The following MAPKAP1 variants were observed in gnomAD, a reference collection of about 807,000 sequenced individuals.
The protein encoded by MAPKAP1 is target of rapamycin complex 2 subunit MAPKAP1.
In MAPKAP1, 20 loss-of-function variants were observed where a neutral mutation model predicts 65.7. That is an observed-to-expected ratio of 0.30 (90% CI 0.21 to 0.44). The LOEUF is 0.44. Among genes scored for constraint, MAPKAP1 ranks in the 20% least tolerant of loss-of-function variants. MAPKAP1 has a pLI of 1.00. For synonymous variants in MAPKAP1, 222 were observed against 244.3 expected (o/e 0.91, Z 0.85); for missense variants, 423 against 648.0 (o/e 0.65, Z 3.77).
chr9:125,457,531 A>G (rs1008629430), intron 10 of MAPKAP1, among the ~76,000 whole-genome samples: 3 of 152,206 alleles, frequency 2.0e-5, no homozygotes, highest in Non-Finnish European at 2.9e-5. Flanking sequence ...TTGCATGTCT[A>G]GTAATTTTTA....
At chr9:125,536,487 C>T (rs117924957) in intron 7 of MAPKAP1, among the ~76,000 whole-genome samples, 425 of 152,300 alleles carry the variant, frequency 2.8e-3, no homozygotes, top group Non-Finnish European at 4.7e-3. Flanking sequence ...GCATGAGTGG[C>T]ATCAGCATGA....
intron 10 of MAPKAP1, among the ~76,000 whole-genome samples, chr9:125,464,400 TCAAAATAG>T (rs1187907050): frequency 3.3e-5 from 5 of 152,114 alleles, no homozygotes; most frequent in Non-Finnish European, 7.4e-5. Context: ...ATGACGTCTT[TCAAAATAG>T]CAAAATCTGA....
At chr9:125,645,734 C>A in intron 4 of MAPKAP1, among the ~76,000 whole-genome samples, 1 of 127,824 alleles carries the variant, frequency 7.8e-6, no homozygotes, top group Non-Finnish European at 1.6e-5. Context: ...AAGACTCTGT[C>A]TCAAAAAAAA....
At chr9:125,473,838 G>A (rs1366311418) in intron 9 of MAPKAP1, among the ~76,000 whole-genome samples, 2 of 152,200 alleles carry the variant, frequency 1.3e-5, no homozygotes, top group Non-Finnish European at 2.9e-5. Flanking sequence ...TCTGGAGTCA[G>A]AAAGTCCTCT....
chr9:125,517,120 T>C (rs184248008), intron 7 of MAPKAP1, among the ~76,000 whole-genome samples: 1 of 152,306 alleles, frequency 6.6e-6, no homozygotes, highest in Non-Finnish European at 1.5e-5. Flanking sequence ...TGCAAGTTTT[T>C]CCAATTCCAA....
intron 6 of MAPKAP1, among the ~76,000 whole-genome samples, chr9:125,555,557 G>T (rs1352389116): frequency 6.6e-6 from 1 of 152,196 alleles, no homozygotes; most frequent in Non-Finnish European, 1.5e-5. Context: ...GGCAGGAACG[G>T]GTGTAAAAAA....
At chr9:125,599,118 G>T (rs1832227266) in intron 4 of MAPKAP1, among the ~76,000 whole-genome samples, 1 of 150,908 alleles carries the variant, frequency 6.6e-6, no homozygotes, top group Non-Finnish European at 1.5e-5. Context: ...TGGTTATTAT[G>T]ATGTTTTTTC....
chr9:125,664,852 G>C (rs908427395), intron 3 of MAPKAP1, among the ~76,000 whole-genome samples: 1 of 151,950 alleles, frequency 6.6e-6, no homozygotes, highest in African/African-American at 2.4e-5. Flanking sequence ...AGAGTAGAAA[G>C]ACTATAAAGT....
chr9:125,459,564 G>A (rs1788594113), intron 10 of MAPKAP1, among the ~76,000 whole-genome samples: 1 of 152,198 alleles, frequency 6.6e-6, no homozygotes, highest in African/African-American at 2.4e-5. Context: ...TGCAATCCCG[G>A]CACCTCAGGA....
chr9:125,628,035 G>C (rs1358852793), intron 4 of MAPKAP1, among the ~76,000 whole-genome samples: 1 of 152,148 alleles, frequency 6.6e-6, no homozygotes, highest in Non-Finnish European at 1.5e-5. Flanking sequence ...TGGAGTTGCT[G>C]GTGTTAGAAA....
chr9:125,546,697 G>A (rs969296067), intron 6 of MAPKAP1, among the ~76,000 whole-genome samples: 1 of 152,100 alleles, frequency 6.6e-6, no homozygotes, highest in Admixed American at 6.5e-5. Context: ...AGAAGACAAT[G>A]GTCCTGGGGG....
chr9:125,596,926 T>A (rs1490711504), intron 4 of MAPKAP1, among the ~76,000 whole-genome samples: 3 of 144,076 alleles, frequency 2.1e-5, no homozygotes, highest in African/African-American at 7.8e-5. Flanking sequence ...GATTGCTAAA[T>A]GTAACAGTCT....
At chr9:125,496,136 T>A (rs927792491) in intron 8 of MAPKAP1, among the ~76,000 whole-genome samples, 12 of 152,212 alleles carry the variant, frequency 7.9e-5, no homozygotes, top group Non-Finnish European at 1.2e-4. Context: ...GGAGGACTTG[T>A]ACAAGGTTAC....
At chr9:125,654,795 A>T (rs1345651851) in intron 4 of MAPKAP1, among the ~76,000 whole-genome samples, 1 of 152,234 alleles carries the variant, frequency 6.6e-6, no homozygotes, top group East Asian at 1.9e-4. Flanking sequence ...GCTTGACTAA[A>T]ATGTAACAGT....
chr9:125,676,406 C>A (rs958459423), intron 1 of MAPKAP1, among the ~76,000 whole-genome samples: 1 of 152,094 alleles, frequency 6.6e-6, no homozygotes, highest in South Asian at 2.1e-4. Flanking sequence ...AGAGGGTGAA[C>A]AAAATGTGGT....
At chr9:125,687,552 G>T (rs1835020110) in intron 1 of MAPKAP1, among the ~76,000 whole-genome samples, 1 of 150,406 alleles carries the variant, frequency 6.6e-6, no homozygotes, top group African/African-American at 2.5e-5. Context: ...AGAGACAGAA[G>T]AATCACTTAA....
intron 4 of MAPKAP1, among the ~76,000 whole-genome samples, chr9:125,648,222 C>A (rs1413155523): frequency 6.6e-6 from 1 of 152,168 alleles, no homozygotes; most frequent in Non-Finnish European, 1.5e-5. Flanking sequence ...AATCCTTGAG[C>A]ACCTCACTTT....
intron 9 of MAPKAP1, among the ~76,000 whole-genome samples, chr9:125,477,236 C>T (rs1479810589): frequency 2.0e-5 from 3 of 152,116 alleles, no homozygotes; most frequent in Non-Finnish European, 4.4e-5. Flanking sequence ...TGGTATCTTA[C>T]GTGTTCAGTA....
chr9:125,578,458 T>C (rs545327561), intron 5 of MAPKAP1, among the ~76,000 whole-genome samples: 1 of 150,770 alleles, frequency 6.6e-6, no homozygotes, highest in South Asian at 2.1e-4. Context: ...AAAAAAAGCA[T>C]AAAAAAAGAT....
Sources: gnomAD v4.1 joint callset for allele counts (sites outside exome capture counted in the v4.1 genomes callset) on GRCh38, gnomAD v4.1.1 for gene constraint, MANE v1.5 for transcripts, NCBI Gene and HGNC (gene_info 2026-07-23, HGNC 2026-07-21) for gene names.